The following CARD10 variants were observed in gnomAD, a reference collection of about 807,000 sequenced individuals.
CARD10 encodes the protein caspase recruitment domain family member 10, also known as caspase recruitment domain-containing protein 10.
In CARD10, 49 loss-of-function variants were observed where a neutral mutation model predicts 114.6. That is an observed-to-expected ratio of 0.43 (90% CI 0.34 to 0.54). The LOEUF (loss-of-function observed/expected upper bound fraction) is 0.54, where lower values mean the gene tolerates loss of function less well. Ranked by LOEUF, CARD10 falls within the 20% of genes least tolerant of loss-of-function variation. The pLI is 0.03. For synonymous variants in CARD10, 602 were observed against 593.2 expected (o/e 1.01, Z -0.21); for missense variants, 1,206 against 1,397.2 (o/e 0.86, Z 2.18).
chr22:37,492,625 C>G lies in CARD10; in HGVS notation c.2635+19G>C, dbSNP rs754919092. Reference sequence around the variant, plus strand: ...CCCAGAGGGGCACCCAGCCTCCCCTCCCCGGCACATAGTCTCACCCGCTGG... The same window carrying G: ...CCCAGAGGGGCACCCAGCCTCCCCTGCCCGGCACATAGTCTCACCCGCTGG... On this transcript the variant is annotated intron_variant, in intron 17 of 19. Transcript: ENST00000251973. This position sits in a 1 kb window ranked among gnomAD's most constrained non-coding sequence, Gnocchi z 5.7. 1 of 1,611,526 alleles carries G rather than the reference C, an allele frequency of 6.2e-7. No individual in the cohort carries two copies. The highest frequency in any genetic ancestry group is 8.5e-7 in the Non-Finnish European group (1 of 1,179,042).
At chr22:37,512,502 C>T (rs999808293) in intron 3 of CARD10, among the ~76,000 whole-genome samples, 3 of 150,872 alleles carry the variant, frequency 2.0e-5, no homozygotes, top group Admixed American at 6.6e-5. Flanking sequence ...CACACACACA[C>T]ACACACACAC....
intron 3 of CARD10, among the ~76,000 whole-genome samples, chr22:37,511,439 AAGGAGAAGGAGGAGG>A (rs1304125514): frequency 9.7e-6 from 1 of 102,852 alleles, no homozygotes; most frequent in Non-Finnish European, 1.8e-5. Flanking sequence ...GAAGAGGTAG[AAGGAGAAGGAGGAGG>A]AGGAGAAGGA....
chr22:37,502,862 G>A, intron 10 of CARD10, 137 bp from the exon 11 acceptor site: 1 of 1,036,382 alleles, frequency 9.6e-7, no homozygotes. Context: ...CAGACCCACT[G>A]GGCTCAGAGA....
At chr22:37,507,793 C>G in intron 6 of CARD10, 36 bp downstream of exon 6, 2 of 1,613,336 alleles carry the variant, frequency 1.2e-6, no homozygotes, top group Non-Finnish European at 1.7e-6. Context: ...GAAGCAGCAA[C>G]TGGCCCAGGG....
rs767514481 is a variant in CARD10 at position 37,492,530 on chromosome 22, G to C, written c.2656C>G (p.Leu886Val). 2.5e-6 allele frequency: 4 copies of C among 1,603,576 alleles called. No individual in the cohort carries two copies. Among genetic ancestry groups the C allele is most frequent in the Non-Finnish European group, 3.4e-6 (4 of 1,173,848 alleles). ...GCTCCAGGCGCTGAGGATGGGCACA[G>C]TTCCTCCCCAGAGAGGCTTTCTGCA... ...CPAESLSGEE[L>V]CPSSAPGAPK... Residue 886 changes from leucine (L) to valine (V), a missense_variant, in exon 18 of 20, where the codon CTG becomes GTG. This residue lies in a region of CARD10 where 1,068 missense variants were observed against 1,179.1 expected (regional missense o/e 0.91). Transcript: ENST00000251973. This position sits in a 1 kb window ranked among gnomAD's most constrained non-coding sequence, Gnocchi z 5.7.
chr22:37,503,425 C>T (rs1923291487), intron 9 of CARD10, among the ~76,000 whole-genome samples: 1 of 152,190 alleles, frequency 6.6e-6, no homozygotes, highest in Non-Finnish European at 1.5e-5. Flanking sequence ...GGCCTCTGTC[C>T]AATGTTGTTC....
intron 3 of CARD10, among the ~76,000 whole-genome samples, chr22:37,510,801 A>C (rs1176280065): frequency 3.3e-5 from 5 of 152,210 alleles, no homozygotes; most frequent in Non-Finnish European, 5.9e-5. Context: ...GGGGCCAGGC[A>C]CAGTGGCTCA....
rs79984198 is a variant in CARD10, at chr22:37,515,009, G to A, written c.699+964C>T. 1.4e-3 allele frequency among the ~76,000 whole-genome samples: 213 copies of A among 152,338 alleles called. 1 individual carries two copies. Among genetic ancestry groups the A allele is most frequent in the African/African-American group, 5.1e-3 (210 of 41,580 alleles). On this transcript the variant is annotated intron_variant, in intron 3 of 19. Coordinates refer to ENST00000251973, the MANE Select transcript of CARD10 (RefSeq NM_014550.4). ...GGCGGAACAGCAGCGTGGGAAGGGG[G>A]CTGGCACTGGAGCCAGCCGGACCCG...
At position 37,516,244 on chromosome 22, in the gene CARD10, A is replaced by C; in HGVS notation, c.428T>G (p.Leu143Arg). 6.2e-7 allele frequency: 1 copy of C among 1,606,158 alleles called. No homozygotes were observed. The highest frequency in any genetic ancestry group is 8.5e-7 in the Non-Finnish European group (1 of 1,177,496). Residue 143 changes from leucine (L) to arginine (R), a missense_variant, in exon 3 of 20, where the codon CTG becomes CGG. Around this residue, in one of 2 missense-constraint regions of CARD10, gnomAD observed 138 missense variants for 218.0 expected, o/e 0.63. Transcript: ENST00000251973. ...TQFLMTEVRR[L>R]REARKSQLQR... is the part of the protein sequence containing the mutation. ...CAGCTGGCTCTTGCGAGCTTCCCGC[A>C]GCCGTCGCACCTCTGTCATCAAGAA...
At chr22:37,518,512 T>C (rs1271758103) in intron 1 of CARD10, among the ~76,000 whole-genome samples, 1 of 152,148 alleles carries the variant, frequency 6.6e-6, no homozygotes, top group African/African-American at 2.4e-5. Flanking sequence ...GCACACCCTG[T>C]GGGAGTGGGG....
intron 11 of CARD10, among the ~76,000 whole-genome samples, chr22:37,500,840 C>T (rs1021935110): frequency 2.6e-5 from 4 of 152,230 alleles, no homozygotes; most frequent in African/African-American, 9.6e-5. Flanking sequence ...CATAACTAAC[C>T]GCGAGCATAT....
At chr22:37,514,296 G>A (rs892111526) in intron 3 of CARD10, among the ~76,000 whole-genome samples, 3 of 152,044 alleles carry the variant, frequency 2.0e-5, no homozygotes, top group Non-Finnish European at 2.9e-5. Context: ...GCACAAGGCC[G>A]TTTTATAATT....
chr22:37,491,676 G>C lies in CARD10; in HGVS notation c.2864+79C>G. Reference sequence around the variant, plus strand: ...AGAAAGAGGGGGAGGGAGAGAGAGGGGGGAGGGAGAGAGGCATCCTCAAGG... The same window carrying C: ...AGAAAGAGGGGGAGGGAGAGAGAGGCGGGAGGGAGAGAGGCATCCTCAAGG... On this transcript the variant is annotated intron_variant, in intron 19 of 19. Coordinates refer to ENST00000251973, the MANE Select transcript of CARD10 (RefSeq NM_014550.4). 5.6e-6 allele frequency: 4 copies of C among 714,136 alleles called. 1 individual carries two copies. The highest frequency in any genetic ancestry group is 1.5e-5 in the South Asian group (1 of 66,550). The allele number at this position is 714,136 out of a possible 1,614,324, so 44.2% of individuals were successfully genotyped here.
At chr22:37,515,563 CAAAAAAAAAAAA>C (rs754752709) in intron 3 of CARD10, among the ~76,000 whole-genome samples, 1 of 73,682 alleles carries the variant, frequency 1.4e-5, no homozygotes, top group South Asian at 4.6e-4. Context: ...GACTCCATCT[CAAAAAAAAAAAA>C]AAAAAAAACA....
Position 37,504,641 on chromosome 22 carries a change from G to A in CARD10, c.1512C>T (p.His504=), listed in dbSNP as rs748355668. 3 of 1,494,308 alleles carry A rather than the reference G, an allele frequency of 2.0e-6. No homozygotes were observed. Among genetic ancestry groups the A allele is most frequent in the Non-Finnish European group, 1.8e-6 (2 of 1,123,550 alleles). The allele number at this position is 1,494,308 out of a possible 1,614,324, so 92.6% of individuals were successfully genotyped here. The change falls in exon 8 of 20, where the codon CAC becomes CAT. Residue 504 remains histidine, a synonymous_variant. Coordinates refer to ENST00000251973, the MANE Select transcript of CARD10 (RefSeq NM_014550.4). The stretch of plus-strand genomic sequence containing the variant: ...GATGGGGCAGTTGTCTTACCGAGTT[G>A]TGAGGCTCAGGTCCCCCCATGACAG... ...EAAVMGGPEP[H]NSEEATDSEK...
rs372147411 is a variant in CARD10, at chr22:37,505,390, C to G, written c.1384-621G>C. Among the ~76,000 whole-genome samples, 82 of 152,048 alleles carry G rather than the reference C, an allele frequency of 5.4e-4. 1 individual carries two copies. The East Asian group carries it at 8.9e-3, about 17-fold the overall frequency. ...TGTCAGGCAACTCAAAATAAGAAAACGCAGGCTGGGCGTTCGCACCTCTAA... is the reference window on the plus strand; with the variant it reads ...TGTCAGGCAACTCAAAATAAGAAAAGGCAGGCTGGGCGTTCGCACCTCTAA... On this transcript the variant is annotated intron_variant, in intron 7 of 19. Coordinates refer to ENST00000251973, the MANE Select transcript of CARD10 (RefSeq NM_014550.4).
rs550289035 is a variant in CARD10, at chr22:37,515,498, G to A, written c.699+475C>T. 1.8e-4 allele frequency among the ~76,000 whole-genome samples: 27 copies of A among 148,994 alleles called. 1 individual carries two copies. The highest frequency in any genetic ancestry group is 3.0e-4 in the Non-Finnish European group (20 of 67,294). On this transcript the variant is annotated intron_variant, in intron 3 of 19. Coordinates refer to ENST00000251973, the MANE Select transcript of CARD10 (RefSeq NM_014550.4). ...GAATCGCTGGAACCCGGGAGGCAGA[G>A]GCTGCAAGGAGCCGAGATCACACCA...
chr22:37,506,379 A>G lies in CARD10; in HGVS notation c.1196T>C (p.Ile399Thr), dbSNP rs778583764. 3 of 1,583,222 alleles carry G rather than the reference A, an allele frequency of 1.9e-6. No individual in the cohort carries two copies. The South Asian group carries it at 3.5e-5, about 18-fold the overall frequency. Reference sequence around the variant, plus strand: ...CAACTGGATCCGGTCACGGCTCTGGATGGCCTAGGGTTGGGGGAGGGGAGG... The same window carrying G: ...CAACTGGATCCGGTCACGGCTCTGGGTGGCCTAGGGTTGGGGGAGGGGAGG... ...EEIEKERDQA[I>T]QSRDRIQLQY... The change falls in exon 7 of 20, where the codon ATC becomes ACC. Residue 399 changes from isoleucine to threonine, a missense_variant. By Grantham distance (89) the Ile-to-Thr change is moderately conservative. Transcript: ENST00000251973.
rs1923940390 is a variant in CARD10, at chr22:37,519,078, G to A, written c.123C>T (p.Ala41=). The change falls in exon 1 of 20, where the codon GCC becomes GCT. Residue 41 remains alanine (A), a synonymous_variant. Transcript: ENST00000251973. The surrounding 1 kb of genome is among the most constrained non-coding windows in gnomAD (Gnocchi z 4.1). ...IEGVRHRLAR[A]LNPAKLTPYL... ...ACGGCGTGAGCTTGGCCGGGTTCAGGGCGCGAGCCAGCCGATGCCGGACGC... is the reference window on the plus strand; with the variant it reads ...ACGGCGTGAGCTTGGCCGGGTTCAGAGCGCGAGCCAGCCGATGCCGGACGC... The A allele has an allele frequency of 6.3e-7, 1 of 1,587,800 alleles. No homozygotes were observed. Among genetic ancestry groups the A allele is most frequent in the Non-Finnish European group, 8.5e-7 (1 of 1,174,744 alleles).
Sources: gnomAD v4.1 joint callset for allele counts (sites outside exome capture counted in the v4.1 genomes callset) on GRCh38, gnomAD v4.1.1 for gene constraint, gnomAD v4.1.1 regional missense constraint, Gnocchi (gnomAD v3.1) non-coding constraint, MANE v1.5 for transcripts, NCBI Gene and HGNC (gene_info 2026-07-23, HGNC 2026-07-21) for gene names.